The following ACYP2 variants were observed in gnomAD, a reference collection of about 807,000 sequenced individuals.
ACYP2 encodes the protein acylphosphatase-2.
In ACYP2, 12 loss-of-function variants were observed where a neutral mutation model predicts 11.2. That is an observed-to-expected ratio of 1.08 (90% CI 0.69 to 1.74). ACYP2 has a LOEUF of 1.74. Among genes scored for constraint, ACYP2 ranks in the 40% most tolerant of loss-of-function variants. ACYP2 has a pLI of 0.00. For missense variants in ACYP2, 134 were observed against 101.9 expected, an observed-to-expected ratio of 1.31 and a Z score of -1.35; for synonymous variants, 43 against 32.2, an observed-to-expected ratio of 1.33 and a Z score of -1.13.
chr2:54,111,051 C>T (rs1679434518), intron 4 of ACYP2, among the ~76,000 whole-genome samples: 1 of 152,034 alleles, frequency 6.6e-6, no homozygotes, highest in Non-Finnish European at 1.5e-5. Context: ...GGATCCCACC[C>T]AGATGGCCTT....
chr2:54,206,574 T>A (rs1310140942), intron 6 of ACYP2, among the ~76,000 whole-genome samples: 1 of 152,254 alleles, frequency 6.6e-6, no homozygotes, highest in Non-Finnish European at 1.5e-5. Context: ...AATAAGATAA[T>A]GTCCTCGATG....
At chr2:54,063,637 G>C (rs527942866) in intron 4 of ACYP2, among the ~76,000 whole-genome samples, 59 of 152,300 alleles carry the variant, frequency 3.9e-4, no homozygotes, top group African/African-American at 1.4e-3. Context: ...TCTAGGTTCT[G>C]GGAACCAACT....
intron 4 of ACYP2, among the ~76,000 whole-genome samples, chr2:54,112,662 GACT>G (rs892024999): frequency 6.6e-6 from 1 of 152,152 alleles, no homozygotes; most frequent in Non-Finnish European, 1.5e-5. Flanking sequence ...TCATTGGAAA[GACT>G]ACAACATGGA....
intron 6 of ACYP2, among the ~76,000 whole-genome samples, chr2:54,173,386 T>G (rs1395769603): frequency 3.3e-5 from 5 of 152,208 alleles, no homozygotes; most frequent in Admixed American, 1.3e-4. Flanking sequence ...CACTTTTTGA[T>G]GGGGTTGTTT....
intron 6 of ACYP2, among the ~76,000 whole-genome samples, chr2:54,164,238 A>T (rs1682852800): frequency 6.6e-6 from 1 of 152,176 alleles, no homozygotes. Flanking sequence ...TGAATCATGG[A>T]TGCACACAGG....
At chr2:53,972,961 G>A (rs939110978) in intron 1 of ACYP2, among the ~76,000 whole-genome samples, 2 of 151,768 alleles carry the variant, frequency 1.3e-5, no homozygotes, top group African/African-American at 4.8e-5. Context: ...CAGGAGGGAA[G>A]GAAATATACA....
chr2:54,132,670 C>T (rs985352535), intron 4 of ACYP2, among the ~76,000 whole-genome samples: 2 of 151,966 alleles, frequency 1.3e-5, no homozygotes, highest in Non-Finnish European at 1.5e-5. Flanking sequence ...GTATTTTTTC[C>T]CAATGTATTA....
intron 4 of ACYP2, among the ~76,000 whole-genome samples, chr2:54,064,976 C>T (rs981067388): frequency 6.6e-5 from 10 of 151,950 alleles, no homozygotes; most frequent in African/African-American, 2.2e-4. Context: ...CCCAGGTACT[C>T]GGGAGGCTGA....
chr2:53,994,102 G>A (rs771692191), intron 2 of ACYP2, among the ~76,000 whole-genome samples: 8 of 152,190 alleles, frequency 5.3e-5, no homozygotes, highest in Non-Finnish European at 1.0e-4. Flanking sequence ...AGTCCAAGGC[G>A]GGCGGATCCC....
chr2:54,249,097 G>A (rs572162744), intron 6 of ACYP2, among the ~76,000 whole-genome samples: 8 of 152,168 alleles, frequency 5.3e-5, no homozygotes, highest in African/African-American at 1.9e-4. Flanking sequence ...TAGGGTGTTT[G>A]GATTTTCTTC....
intron 6 of ACYP2, among the ~76,000 whole-genome samples, chr2:54,177,948 A>C (rs1683538972): frequency 7.2e-6 from 1 of 138,038 alleles, no homozygotes; most frequent in Admixed American, 7.7e-5. Flanking sequence ...CCTGTTACCC[A>C]GGCTAGAGTG....
intron 6 of ACYP2, among the ~76,000 whole-genome samples, chr2:54,198,204 A>G (rs903664713): frequency 6.6e-6 from 1 of 151,922 alleles, no homozygotes; most frequent in Admixed American, 6.6e-5. Flanking sequence ...TTTTTACAGC[A>G]TGGTTTCACC....
chr2:54,135,169 T>A (rs1681147833), intron 4 of ACYP2, among the ~76,000 whole-genome samples: 1 of 152,190 alleles, frequency 6.6e-6, no homozygotes, highest in Non-Finnish European at 1.5e-5. Flanking sequence ...CAAGAGAGTG[T>A]CTACAGTGTG....
chr2:54,229,321 A>G (rs1054625618), intron 6 of ACYP2, among the ~76,000 whole-genome samples: 16 of 152,176 alleles, frequency 1.1e-4, no homozygotes, highest in African/African-American at 3.6e-4. Flanking sequence ...TTATGGCCCA[A>G]TCTATGTTGT....
At chr2:53,989,981 C>CT (rs112395166) in intron 2 of ACYP2, among the ~76,000 whole-genome samples, 1,623 of 143,184 alleles carry the variant, frequency 0.011, 12 homozygotes, top group African/African-American at 0.019. Context: ...CTTTTCTTTT[C>CT]TTTTTTTTTT....
chr2:54,186,772 C>T (rs916587187), intron 6 of ACYP2, among the ~76,000 whole-genome samples: 9 of 152,076 alleles, frequency 5.9e-5, no homozygotes, highest in African/African-American at 2.2e-4. Context: ...CCTCAGCCTC[C>T]CCAAGTGTTG....
intron 6 of ACYP2, among the ~76,000 whole-genome samples, chr2:54,269,337 T>C (rs1350194594): frequency 1.3e-5 from 2 of 152,230 alleles, no homozygotes; most frequent in South Asian, 2.1e-4. Flanking sequence ...TACTGAAATA[T>C]GTTAGGAGCT....
chr2:54,055,552 C>A (rs574317755), intron 3 of ACYP2, among the ~76,000 whole-genome samples: 183 of 152,236 alleles, frequency 1.2e-3, no homozygotes, highest in Non-Finnish European at 1.4e-3. Context: ...GTATTATTTT[C>A]CTATTTTACA....
intron 6 of ACYP2, among the ~76,000 whole-genome samples, chr2:54,214,570 G>T (rs1472958347): frequency 6.6e-6 from 1 of 152,098 alleles, no homozygotes; most frequent in Non-Finnish European, 1.5e-5. Context: ...CTTTATTTCT[G>T]GGTTCTCTAA....
Sources: allele counts gnomAD v4.1 joint callset (sites outside exome capture counted in the v4.1 genomes callset), GRCh38; gene constraint gnomAD v4.1.1; transcripts MANE v1.5; gene names NCBI Gene and HGNC (gene_info 2026-07-23, HGNC 2026-07-21).